The following TSBP1 variants were observed in gnomAD, a reference collection of about 807,000 sequenced individuals.
TSBP1 encodes testis-expressed basic protein 1.
In TSBP1, 56 loss-of-function variants were observed where a neutral mutation model predicts 68.8. That is an observed-to-expected ratio of 0.81 (90% CI 0.66 to 1.02). The LOEUF is 1.02. Among genes scored for constraint, TSBP1 ranks in the 50% least tolerant of loss-of-function variants. TSBP1 has a pLI of 0.00. For synonymous variants in TSBP1, 171 were observed against 208.7 expected (o/e 0.82, Z 1.56); for missense variants, 502 against 641.2 (o/e 0.78, Z 2.34).
rs1769652671 is a variant in TSBP1, at chr6:32,336,202, AT to A, written c.431-271del. ...CTCCATATTAATCTGTTATGCCTCT[AT>A]TTTTCTTCTTACATTTTCTTGCCCC... On this transcript the variant is annotated intron_variant, in intron 12 of 22. Transcript: ENST00000612031. The surrounding 1 kb of genome is among the most constrained non-coding windows in gnomAD (Gnocchi z 5.2). Among the ~76,000 whole-genome samples the A allele has an allele frequency of 6.6e-6, 1 of 152,048 alleles. No homozygotes were observed. Among genetic ancestry groups the A allele is most frequent in the East Asian group, 1.9e-4 (1 of 5,192 alleles).
chr6:32,318,932 G>C (rs1375139416), intron 18 of TSBP1, among the ~76,000 whole-genome samples: 1 of 152,128 alleles, frequency 6.6e-6, no homozygotes, highest in Non-Finnish European at 1.5e-5. Flanking sequence ...TCTCAATAAA[G>C]CTGTTATTTA....
chr6:32,359,035 A>G (rs1164510853), intron 6 of TSBP1, among the ~76,000 whole-genome samples: 7 of 150,402 alleles, frequency 4.7e-5, no homozygotes, highest in African/African-American at 1.7e-4. Context: ...GTCATCTAGC[A>G]TTAGGTATAT....
At chr6:32,366,239 C>G in intron 5 of TSBP1, 34 bp downstream of exon 5, 1 of 1,592,624 alleles carries the variant, frequency 6.3e-7, no homozygotes, top group Non-Finnish European at 8.5e-7. Flanking sequence ...TAAACAGACT[C>G]CTATATTAAT....
At chr6:32,342,135 A>T (rs1270553830) in intron 9 of TSBP1, among the ~76,000 whole-genome samples, 1 of 139,846 alleles carries the variant, frequency 7.2e-6, no homozygotes. Flanking sequence ...TCCCTTCTCC[A>T]TTCATTTTTT....
rs1330726236 is a variant in TSBP1 at position 32,304,301 on chromosome 6, T to C, written c.581-1672A>G. 6.6e-6 allele frequency among the ~76,000 whole-genome samples: 1 copy of C among 152,086 alleles called. No individual in the cohort carries two copies. The highest frequency in any genetic ancestry group is 1.5e-5 in the Non-Finnish European group (1 of 67,998). On this transcript the variant is annotated intron_variant, in intron 19 of 22. Coordinates refer to ENST00000612031, the Ensembl canonical transcript of TSBP1. The surrounding 1 kb of genome is among the most constrained non-coding windows in gnomAD (Gnocchi z 4.8). ...GATGCTACAAAAGACCAGAGGAAAC[T>C]GAGAAAAACAGTAGGAGCTTACTGG...
intron 19 of TSBP1, among the ~76,000 whole-genome samples, chr6:32,310,361 TATTA>T (rs914297926): frequency 4.6e-5 from 7 of 152,276 alleles, no homozygotes; most frequent in African/African-American, 1.7e-4. Flanking sequence ...TCTGGAATGT[TATTA>T]ATTATTACAT....
chr6:32,332,141 G>T, intron 14 of TSBP1, 87 bp from the exon 16 acceptor site: 1 of 978,100 alleles, frequency 1.0e-6, no homozygotes. Flanking sequence ...GAGGCTTTGA[G>T]AGGTAGAGCA....
rs562108824 is a variant in TSBP1 at position 32,360,426 on chromosome 6, T to C, written c.218-4757A>G. On this transcript the variant is annotated intron_variant, in intron 6 of 22. Transcript: ENST00000612031. ...TATGTGTGTGTGTCTGTGTATCACA[T>C]TTTCTTTATCCATTCATCCACTGAT... is the stretch of plus-strand genomic sequence containing the variant. Among the ~76,000 whole-genome samples the C allele has an allele frequency of 3.3e-5, 5 of 152,176 alleles. No individual in the cohort carries two copies. In the South Asian group the frequency reaches 1.0e-3, roughly 32 times the overall value.
chr6:32,358,546 T>C (rs1333052084), intron 6 of TSBP1, among the ~76,000 whole-genome samples: 1 of 151,930 alleles, frequency 6.6e-6, no homozygotes, highest in Non-Finnish European at 1.5e-5. Flanking sequence ...GTATATCTCC[T>C]AATGCTATCC....
At chr6:32,323,550 GAAC>G (rs774914030) in intron 17 of TSBP1, 38 bp downstream of exon 18, 17 of 1,598,236 alleles carry the variant, frequency 1.1e-5, no homozygotes, top group East Asian at 2.2e-5. Flanking sequence ...GGAACAACAA[GAAC>G]AACAACAGAA....
In TSBP1 at chr6:32,294,042, AT is replaced by A. The variant is rs765025803; in HGVS notation, c.638-8del. The A allele has an allele frequency of 6.2e-7, 1 of 1,605,466 alleles. No homozygotes were observed. On this transcript the variant is annotated splice_polypyrimidine_tract_variant and splice_region_variant and intron_variant, in intron 22 of 22. Coordinates refer to ENST00000612031, the Ensembl canonical transcript of TSBP1. ...ATGTAACCTGTTAATATAACTGAGC[AT>A]ACAACAAAAGGGCGTGATTTAGATA...
chr6:32,330,360 G>A (rs10484560), intron 16 of TSBP1, among the ~76,000 whole-genome samples: 13,098 of 152,024 alleles, frequency 0.086, 798 homozygotes, highest in East Asian at 0.1. Context: ...TATTGTTATA[G>A]AAGACATTAT....
chr6:32,369,615 C>T (rs1967437), intron 2 of TSBP1, among the ~76,000 whole-genome samples: 44,170 of 151,906 alleles, frequency 0.29, 7,428 homozygotes, highest in African/African-American at 0.44. Flanking sequence ...GTGATCCGCC[C>T]GCCTTGGCCT....
At chr6:32,300,618 A>G (rs1765187788) in intron 21 of TSBP1, 62 bp downstream of exon 24, 1 of 1,486,074 alleles carries the variant, frequency 6.7e-7, no homozygotes, top group South Asian at 1.1e-5. Flanking sequence ...AACATTTGGG[A>G]AAAAGAACTT....
chr6:32,340,341 C>T lies in TSBP1; in HGVS notation c.350-703G>A, dbSNP rs1475475351. ...ATAATTATTTTTCGCTTATTTGTTA[C>T]TTTGCTGTTTTGGGGAGGGAAATAG... On this transcript the variant is annotated intron_variant, in intron 9 of 22. Transcript: ENST00000612031. The surrounding 1 kb of genome is among the most constrained non-coding windows in gnomAD (Gnocchi z 4.8). Among the ~76,000 whole-genome samples the T allele has an allele frequency of 6.6e-6, 1 of 151,656 alleles. No homozygotes were observed. Among genetic ancestry groups the T allele is most frequent in the Non-Finnish European group, 1.5e-5 (1 of 67,922 alleles).
At position 32,338,025 on chromosome 6, in the gene TSBP1, A is replaced by C. The variant is rs1238372769; in HGVS notation, c.409+954T>G. Among the ~76,000 whole-genome samples the C allele has an allele frequency of 6.6e-6, 1 of 152,174 alleles. No homozygotes were observed. The highest frequency in any genetic ancestry group is 1.5e-5 in the Non-Finnish European group (1 of 68,020). On this transcript the variant is annotated intron_variant, in intron 11 of 22. Transcript: ENST00000612031. This position sits in a 1 kb window ranked among gnomAD's most constrained non-coding sequence, Gnocchi z 5.5. ...AAATGAAGGATAGAAATGTGTTAAGAAGTGAATGAAACCCTGATGAGTTTC... is the reference window on the plus strand; with the variant it reads ...AAATGAAGGATAGAAATGTGTTAAGCAGTGAATGAAACCCTGATGAGTTTC...
At chr6:32,312,854 C>T (rs1766547145) in intron 19 of TSBP1, among the ~76,000 whole-genome samples, 1 of 149,610 alleles carries the variant, frequency 6.7e-6, no homozygotes, top group Non-Finnish European at 1.5e-5. Flanking sequence ...TTGCCACACT[C>T]ACCTTTAGTT....
chr6:32,307,236 C>T (rs1402541092), intron 19 of TSBP1, among the ~76,000 whole-genome samples: 1 of 151,928 alleles, frequency 6.6e-6, no homozygotes, highest in Non-Finnish European at 1.5e-5. Context: ...TTGGTTGTAT[C>T]CTAAGTGTTT....
intron 19 of TSBP1, among the ~76,000 whole-genome samples, chr6:32,305,741 CT>C (rs1249083879): frequency 1.3e-5 from 2 of 152,228 alleles, no homozygotes; most frequent in Non-Finnish European, 2.9e-5. Context: ...GGCAATCCTC[CT>C]GCCTTGGCCT....
Sources: allele counts gnomAD v4.1 joint callset (sites outside exome capture counted in the v4.1 genomes callset), GRCh38; gene constraint gnomAD v4.1.1; non-coding constraint Gnocchi (gnomAD v3.1); transcripts MANE v1.5; gene names NCBI Gene and HGNC (gene_info 2026-07-23, HGNC 2026-07-21).